PHACTR1: variants seen among roughly 807,000 people sequenced by gnomAD.
The protein encoded by PHACTR1 is RPEL repeat containing 1.
Under a neutral mutation model 69.2 loss-of-function variants are expected in PHACTR1, and 16 were observed. The ratio of observed to expected loss-of-function variants is 0.23; its 90% CI spans 0.16 to 0.35. The LOEUF (loss-of-function observed/expected upper bound fraction) is 0.35, where lower values mean the gene tolerates loss of function less well. PHACTR1 is among the 10% of genes least tolerant of loss of function. PHACTR1 has a pLI of 1.00. For synonymous variants in PHACTR1, 312 were observed against 284.5 expected, an observed-to-expected ratio of 1.10 and a Z score of -0.97; for missense variants, 510 against 734.7, an observed-to-expected ratio of 0.69 and a Z score of 3.54.
chr6:13,200,444 C>A (rs571392374), intron 7 of PHACTR1, among the ~76,000 whole-genome samples: 1 of 152,254 alleles, frequency 6.6e-6, no homozygotes, highest in South Asian at 2.1e-4. Flanking sequence ...CCACACCCGG[C>A]CAGGAAGCAT....
chr6:12,778,046 C>T (rs959403031), intron 4 of PHACTR1, among the ~76,000 whole-genome samples: 3 of 151,850 alleles, frequency 2.0e-5, no homozygotes, highest in African/African-American at 7.3e-5. Context: ...AGGTGTGGTG[C>T]GGGAGATACA....
chr6:13,038,226 A>T (rs1479334500), intron 4 of PHACTR1, among the ~76,000 whole-genome samples: 1 of 152,174 alleles, frequency 6.6e-6, no homozygotes, highest in South Asian at 2.1e-4. Flanking sequence ...AGAAGTTAAA[A>T]ACTTGGCTGG....
chr6:12,956,791 C>A (rs1791947226), intron 4 of PHACTR1, among the ~76,000 whole-genome samples: 1 of 152,100 alleles, frequency 6.6e-6, no homozygotes, highest in Non-Finnish European at 1.5e-5. Flanking sequence ...CTACCTGAAG[C>A]TTTTCAACTG....
chr6:13,139,213 G>C (rs1025739622), intron 5 of PHACTR1, among the ~76,000 whole-genome samples: 1 of 151,064 alleles, frequency 6.6e-6, no homozygotes, highest in Non-Finnish European at 1.5e-5. Flanking sequence ...TTCTACAACA[G>C]GGGTTAACAA....
intron 4 of PHACTR1, among the ~76,000 whole-genome samples, chr6:12,779,494 T>C (rs1422549295): frequency 6.6e-6 from 1 of 152,080 alleles, no homozygotes; most frequent in Non-Finnish European, 1.5e-5. Context: ...TGGGAAATAT[T>C]TCCCTTGGGA....
intron 10 of PHACTR1, chr6:13,272,564 TC>T (rs1243880354): frequency 3.2e-6 from 2 of 631,810 alleles, no homozygotes; most frequent in South Asian, 4.6e-5. Flanking sequence ...AAGAAAAGAG[TC>T]CCGTCTGAGT....
chr6:13,138,802 T>C (rs965096042), intron 5 of PHACTR1, among the ~76,000 whole-genome samples: 18 of 152,216 alleles, frequency 1.2e-4, no homozygotes, highest in Non-Finnish European at 1.5e-5. Flanking sequence ...TGTATGTTCA[T>C]GAGGAAAATG....
At chr6:13,216,397 G>A (rs1562009519) in intron 8 of PHACTR1, among the ~76,000 whole-genome samples, 2 of 152,170 alleles carry the variant, frequency 1.3e-5, no homozygotes, top group Non-Finnish European at 2.9e-5. Context: ...CTGCTAATTA[G>A]GGTGTTCCCT....
intron 3 of PHACTR1, among the ~76,000 whole-genome samples, chr6:12,747,301 TC>T (rs1199997693): frequency 2.6e-5 from 4 of 152,168 alleles, no homozygotes; most frequent in African/African-American, 9.7e-5. Flanking sequence ...CTCACAACCC[TC>T]CTTCACTTCT....
chr6:12,835,959 T>G lies in PHACTR1; in HGVS notation c.250+86169T>G, dbSNP rs534719205. Among the ~76,000 whole-genome samples the G allele has an allele frequency of 5.9e-5, 9 of 152,226 alleles. No homozygotes were observed. In the East Asian group the frequency reaches 1.3e-3, roughly 23 times the overall value. ...AAAGCACAAAGTTTTAAATTTTTTT[T>G]GAAACAAAAATAAAAAAAAATTTAA... On this transcript the variant is annotated intron_variant, in intron 4 of 14. Transcript: ENST00000332995.
At chr6:13,190,816 C>G (rs1047612654) in intron 7 of PHACTR1, among the ~76,000 whole-genome samples, 1 of 123,892 alleles carries the variant, frequency 8.1e-6, no homozygotes, top group Non-Finnish European at 1.9e-5. Flanking sequence ...TTAATATATT[C>G]TCAGAACTTA....
intron 5 of PHACTR1, among the ~76,000 whole-genome samples, chr6:13,144,257 A>C (rs188063298): frequency 6.6e-6 from 1 of 152,354 alleles, no homozygotes; most frequent in Non-Finnish European, 1.5e-5. Context: ...GATTGAAAGC[A>C]ATAAATAAAA....
chr6:12,820,107 T>A (rs1776037368), intron 4 of PHACTR1, among the ~76,000 whole-genome samples: 1 of 152,220 alleles, frequency 6.6e-6, no homozygotes, highest in African/African-American at 2.4e-5. Flanking sequence ...CAAGTGTAAG[T>A]CATTTATTAC....
intron 6 of PHACTR1, among the ~76,000 whole-genome samples, chr6:13,180,543 A>G (rs1026503478): frequency 8.5e-5 from 13 of 152,186 alleles, no homozygotes; most frequent in African/African-American, 2.9e-4. Flanking sequence ...TATGGCAATC[A>G]TTTGATTGCA....
At chr6:13,107,086 T>TTC (rs35821925) in intron 5 of PHACTR1, among the ~76,000 whole-genome samples, 176 of 150,642 alleles carry the variant, frequency 1.2e-3, no homozygotes, top group South Asian at 5.7e-3. Context: ...AGATGTTTCC[T>TTC]TCTCTCTCTC....
intron 4 of PHACTR1, among the ~76,000 whole-genome samples, chr6:12,925,883 T>C (rs958590580): frequency 6.6e-6 from 1 of 152,194 alleles, no homozygotes; most frequent in African/African-American, 2.4e-5. Context: ...CTGTCTCTCG[T>C]GTATCTTCAA....
At chr6:12,979,901 C>T (rs971045307) in intron 4 of PHACTR1, among the ~76,000 whole-genome samples, 3 of 152,108 alleles carry the variant, frequency 2.0e-5, no homozygotes, top group African/African-American at 7.2e-5. Flanking sequence ...TTTGGAATGA[C>T]TGATTTAAGA....
intron 4 of PHACTR1, among the ~76,000 whole-genome samples, chr6:12,803,418 A>G (rs966073362): frequency 4.6e-5 from 7 of 152,150 alleles, no homozygotes; most frequent in Non-Finnish European, 7.3e-5. Context: ...GGTGAGGAAG[A>G]CTAAAGAACA....
intron 4 of PHACTR1, among the ~76,000 whole-genome samples, chr6:12,963,610 A>C (rs4711877): frequency 0.5 from 76,571 of 151,926 alleles, 22,208 homozygotes; most frequent in African/African-American, 0.8. Flanking sequence ...GTTCCCTGGG[A>C]GTTATGATCC....
Sources: gnomAD v4.1 joint callset for allele counts (sites outside exome capture counted in the v4.1 genomes callset) on GRCh38, gnomAD v4.1.1 for gene constraint, MANE v1.5 for transcripts, NCBI Gene and HGNC (gene_info 2026-07-23, HGNC 2026-07-21) for gene names.